Variants in XXYLT1 observed in about 807,000 individuals in gnomAD.
The protein encoded by XXYLT1 is xyloside xylosyltransferase 1.
Under a neutral mutation model 28.9 loss-of-function variants are expected in XXYLT1, and 20 were observed. The observed-to-expected ratio is 0.69, with a 90% CI of 0.49 to 1.00. The LOEUF (loss-of-function observed/expected upper bound fraction) is 1.00. Among genes scored for constraint, XXYLT1 ranks in the 50% least tolerant of loss-of-function variants. XXYLT1 has a pLI of 0.00. For synonymous variants in XXYLT1, 257 were observed against 253.8 expected, an observed-to-expected ratio of 1.01 and a Z score of -0.12; for missense variants, 542 against 560.1, an observed-to-expected ratio of 0.97 and a Z score of 0.33.
chr3:195,227,234 A>T (rs904410563), intron 1 of XXYLT1, among the ~76,000 whole-genome samples: 5 of 152,104 alleles, frequency 3.3e-5, no homozygotes, highest in Non-Finnish European at 5.9e-5. Context: ...ACCACGTGAG[A>T]GTGTGTGATC....
intron 1 of XXYLT1, among the ~76,000 whole-genome samples, chr3:195,230,260 G>A (rs1044502236): frequency 4.6e-5 from 7 of 152,060 alleles, no homozygotes; most frequent in African/African-American, 1.7e-4. Flanking sequence ...GGTTGTTTGA[G>A]CCCCTTATAT....
chr3:195,140,839 G>GA (rs1719447479), intron 3 of XXYLT1, among the ~76,000 whole-genome samples: 1 of 152,128 alleles, frequency 6.6e-6, no homozygotes, highest in African/African-American at 2.4e-5. Flanking sequence ...AATTCAATAT[G>GA]AGATTTGGGT....
chr3:195,097,670 T>A (rs932856284), intron 3 of XXYLT1, among the ~76,000 whole-genome samples: 3 of 152,146 alleles, frequency 2.0e-5, no homozygotes, highest in Admixed American at 1.3e-4. Flanking sequence ...AAGACTGTCC[T>A]CGGCTGCCTC....
chr3:195,108,723 A>G (rs1717284895), intron 3 of XXYLT1, among the ~76,000 whole-genome samples: 1 of 152,226 alleles, frequency 6.6e-6, no homozygotes, highest in African/African-American at 2.4e-5. Flanking sequence ...GTATCTGTCT[A>G]TCTAAACATA....
intron 3 of XXYLT1, among the ~76,000 whole-genome samples, chr3:195,088,102 T>G (rs1009624477): frequency 6.6e-6 from 1 of 151,546 alleles, no homozygotes; most frequent in Non-Finnish European, 1.5e-5. Flanking sequence ...GCAGCGAGGC[T>G]GGGGGAGGGG....
chr3:195,102,027 G>A (rs1716815269), intron 3 of XXYLT1, among the ~76,000 whole-genome samples: 1 of 129,342 alleles, frequency 7.7e-6, no homozygotes, highest in South Asian at 2.8e-4. Context: ...CAGAAAAAAA[G>A]GAAGAGAGAA....
intron 1 of XXYLT1, among the ~76,000 whole-genome samples, chr3:195,253,429 C>G (rs1725348436): frequency 2.0e-5 from 3 of 152,030 alleles, no homozygotes. Context: ...TTGCATTTGC[C>G]TTAAAATGTC....
At chr3:195,172,452 C>T (rs1436822389) in intron 2 of XXYLT1, among the ~76,000 whole-genome samples, 1 of 152,178 alleles carries the variant, frequency 6.6e-6, no homozygotes, top group Non-Finnish European at 1.5e-5. Context: ...ATCAACAGTA[C>T]CCGCAGCCAG....
chr3:195,236,828 C>T (rs369985068), intron 1 of XXYLT1, among the ~76,000 whole-genome samples: 1 of 151,576 alleles, frequency 6.6e-6, no homozygotes, highest in Non-Finnish European at 1.5e-5. Flanking sequence ...CCTGCCATTA[C>T]TGGGTCCTTC....
intron 3 of XXYLT1, among the ~76,000 whole-genome samples, chr3:195,087,851 G>A (rs886237440): frequency 7.9e-5 from 12 of 151,990 alleles, no homozygotes; most frequent in South Asian, 2.1e-4. Flanking sequence ...GAAGCAGGGC[G>A]AGGCAAAGCC....
intron 1 of XXYLT1, among the ~76,000 whole-genome samples, chr3:195,268,471 G>A (rs1270961227): frequency 1.3e-5 from 2 of 151,808 alleles, no homozygotes; most frequent in Non-Finnish European, 2.9e-5. Context: ...CGTGGTGGTG[G>A]GCACCTGTAA....
chr3:195,222,627 A>C (rs1313288796), intron 2 of XXYLT1, among the ~76,000 whole-genome samples: 3 of 152,174 alleles, frequency 2.0e-5, no homozygotes, highest in Non-Finnish European at 4.4e-5. Flanking sequence ...AAAATATAGA[A>C]AGCAGCTAGC....
At chr3:195,088,348 A>C (rs531186205) in intron 3 of XXYLT1, among the ~76,000 whole-genome samples, 6 of 148,318 alleles carry the variant, frequency 4.0e-5, no homozygotes, top group Admixed American at 1.4e-4. Context: ...GAGAACGGGC[A>C]GACTGCCTCC....
chr3:195,200,047 G>A (rs886762594), intron 2 of XXYLT1, among the ~76,000 whole-genome samples: 24 of 152,306 alleles, frequency 1.6e-4, no homozygotes, highest in African/African-American at 5.8e-4. Flanking sequence ...TCCAAGAAGG[G>A]GATTGGAAGC....
intron 3 of XXYLT1, among the ~76,000 whole-genome samples, chr3:195,083,739 C>T (rs144231266): frequency 5.8e-4 from 89 of 152,296 alleles, no homozygotes; most frequent in African/African-American, 2.0e-3. Flanking sequence ...AGAGTTACTG[C>T]GCCTGGCGGT....
chr3:195,188,210 G>T (rs908655174), intron 2 of XXYLT1, among the ~76,000 whole-genome samples: 10 of 152,336 alleles, frequency 6.6e-5, no homozygotes, highest in African/African-American at 1.9e-4. Context: ...TATAGGATTT[G>T]CTCTTTACTC....
At chr3:195,269,838 G>A (rs964135593) in intron 1 of XXYLT1, among the ~76,000 whole-genome samples, 2 of 152,214 alleles carry the variant, frequency 1.3e-5, no homozygotes, top group African/African-American at 4.8e-5. Flanking sequence ...GACAAGGAGA[G>A]CCAGGCAGTG....
intron 3 of XXYLT1, among the ~76,000 whole-genome samples, chr3:195,107,140 T>TTACAGCTTCAC (rs1477531823): frequency 0.021 from 324 of 15,802 alleles, no homozygotes; most frequent in African/African-American, 0.06. Flanking sequence ...AGCTTCACAT[T>TTACAGCTTCAC]TTCAGCAAGA....
intron 3 of XXYLT1, among the ~76,000 whole-genome samples, chr3:195,137,986 C>T (rs1018372404): frequency 1.3e-5 from 2 of 152,188 alleles, no homozygotes; most frequent in African/African-American, 4.8e-5. Flanking sequence ...TTTTATAGCC[C>T]ATATGCTGGG....
Sources: gnomAD v4.1 joint callset for allele counts (sites outside exome capture counted in the v4.1 genomes callset) on GRCh38, gnomAD v4.1.1 for gene constraint, MANE v1.5 for transcripts, NCBI Gene and HGNC (gene_info 2026-07-23, HGNC 2026-07-21) for gene names.